Variants in SASH3 observed in about 807,000 individuals in gnomAD.
SASH3 encodes SAM and SH3 domain containing 3.
In SASH3, 7 loss-of-function variants were observed where a neutral mutation model predicts 26.1. That is an observed-to-expected ratio of 0.27 (90% CI 0.15 to 0.50). The LOEUF (loss-of-function observed/expected upper bound fraction) is 0.50. Ranked by LOEUF, SASH3 falls within the 20% of genes least tolerant of loss-of-function variation. The pLI is 0.98. For synonymous variants in SASH3, 138 were observed against 136.8 expected, an observed-to-expected ratio of 1.01 and a Z score of -0.06; for missense variants, 231 against 318.3, an observed-to-expected ratio of 0.73 and a Z score of 2.09.
chrX:129,783,602 C>T (rs1244728196), intron 1 of SASH3, among the ~76,000 whole-genome samples: 3 of 112,151 alleles, frequency 2.7e-5, no homozygotes, highest in Non-Finnish European at 5.6e-5. Context: ...CTTCGAGGTG[C>T]GAATATGATG....
intron 3 of SASH3, 67 bp downstream of exon 3, chrX:129,788,644 G>A: frequency 9.3e-7 from 1 of 1,077,003 alleles, no homozygotes; most frequent in Non-Finnish European, 1.3e-6. Context: ...CAGAATGTGA[G>A]CATGACCACC....
At chrX:129,789,648 A>G (rs759749603) in intron 3 of SASH3, among the ~76,000 whole-genome samples, 13 of 111,225 alleles carry the variant, frequency 1.2e-4, no homozygotes, top group African/African-American at 3.6e-4. Context: ...AAAAAAAAGA[A>G]AAAAAAAGAG....
intron 4 of SASH3, 96 bp downstream of exon 4, chrX:129,791,177 A>T: frequency 1.1e-6 from 1 of 912,930 alleles, no homozygotes; most frequent in Non-Finnish European, 1.5e-6. Context: ...GGGGTAAGAG[A>T]AATGAATGCT....
intron 3 of SASH3, 151 bp downstream of exon 3, chrX:129,788,728 T>G: frequency 1.7e-6 from 1 of 579,257 alleles, no homozygotes; most frequent in Non-Finnish European, 2.6e-6. Flanking sequence ...GGAAACTCAC[T>G]TGCAGCCACG....
intron 1 of SASH3, among the ~76,000 whole-genome samples, chrX:129,784,495 C>T (rs952769178): frequency 3.6e-5 from 4 of 111,291 alleles, no homozygotes; most frequent in African/African-American, 1.3e-4. Flanking sequence ...AAGGGACTGC[C>T]GTGTCAGACA....
chrX:129,792,590 C>T (rs1413707189), intron 5 of SASH3, 37 bp from the exon 6 acceptor site: 2 of 1,196,264 alleles, frequency 1.7e-6, no homozygotes, highest in East Asian at 5.9e-5. Context: ...CATATCCTCT[C>T]TCCCTTGCTC....
At chrX:129,787,473 T>A (rs993406964) in intron 1 of SASH3, among the ~76,000 whole-genome samples, 1 of 111,635 alleles carries the variant, frequency 9.0e-6, no homozygotes, top group Admixed American at 9.5e-5. Context: ...CACAAATTCA[T>A]CAGGCTGGAG....
chrX:129,793,649 T>C lies in SASH3; in HGVS notation c.960T>C (p.Ser320=). Residue 320 remains serine (S), a synonymous_variant, in exon 8 of 8, where the codon AGT becomes AGC. Coordinates refer to ENST00000356892, the MANE Select transcript of SASH3 (RefSeq NM_018990.4). The part of the protein sequence containing the change: ...AELLLDYDTG[S]EEAEEGAESS... ...CTCTCTCGTCCCTGGCAGCTGGCAG[T>C]GAGGAGGCTGAAGAGGGCGCCGAGA... The C allele has an allele frequency of 8.3e-7, 1 of 1,209,917 alleles. No homozygotes were observed.
At chrX:129,787,149 A>G (rs1927123129) in intron 1 of SASH3, among the ~76,000 whole-genome samples, 2 of 111,937 alleles carry the variant, frequency 1.8e-5, no homozygotes, top group South Asian at 3.7e-4. Context: ...TAAAAATACA[A>G]AAAATAATAA....
intron 1 of SASH3, among the ~76,000 whole-genome samples, chrX:129,786,245 C>T (rs1353921278): frequency 2.7e-5 from 3 of 111,538 alleles, no homozygotes. Context: ...AACTACCTTG[C>T]TGTGACTTTT....
chrX:129,789,121 G>GAAAGAAAGAAAGAAAGAA (rs1927170394), intron 3 of SASH3, among the ~76,000 whole-genome samples: 1 of 36,093 alleles, frequency 2.8e-5, no homozygotes, highest in African/African-American at 1.8e-4. Flanking sequence ...AAGAAAGAAA[G>GAAAGAAAGAAAGAAAGAA]AAAGAAAGAA....
At chrX:129,791,186 C>CA in intron 4 of SASH3, 105 bp downstream of exon 4, 1 of 843,201 alleles carries the variant, frequency 1.2e-6, no homozygotes, top group Non-Finnish European at 1.7e-6. Flanking sequence ...GAAATGAATG[C>CA]TTACTCTTTG....
At chrX:129,782,878 C>G (rs1657442543) in intron 1 of SASH3, among the ~76,000 whole-genome samples, 1 of 111,785 alleles carries the variant, frequency 8.9e-6, no homozygotes, top group African/African-American at 3.3e-5. Flanking sequence ...AGACAGACCT[C>G]TTAGCTGCCC....
intron 6 of SASH3, 57 bp downstream of exon 6, chrX:129,792,893 A>T: frequency 8.4e-6 from 10 of 1,184,381 alleles, no homozygotes; most frequent in Non-Finnish European, 1.1e-5. Flanking sequence ...TGCCCCAGGG[A>T]TGGGGACCAG....
Position 129,788,455 on chromosome X carries a change from C to T in SASH3, c.178C>T (p.Pro60Ser), listed in dbSNP as rs1327445207. 3 of 1,211,268 alleles carry T rather than the reference C, an allele frequency of 2.5e-6. No individual in the cohort carries two copies. Among genetic ancestry groups the T allele is most frequent in the Admixed American group, 4.3e-5 (2 of 46,022 alleles). The change falls in exon 3 of 8, where the codon CCC (proline) becomes TCC (serine). Residue 60 changes from proline to serine, a missense_variant. By Grantham distance (74) the Pro-to-Ser change is moderately conservative (BLOSUM62 -1). Transcript: ENST00000356892. ...GATTCCAGAAGATGACTCAGGTGTC[C>T]CCACCCCAGAAGATGCTGGGAAGAG... ...DNIPEDDSGV[P>S]TPEDAGKSGK...
chrX:129,788,659 T>C, intron 3 of SASH3, 82 bp downstream of exon 3: 3 of 989,591 alleles, frequency 3.0e-6, no homozygotes, highest in Middle Eastern at 3.3e-4. Flanking sequence ...ACCACCTCAA[T>C]AGCCACTACT....
rs1003087168 is a variant in SASH3 at position 129,783,804 on chromosome X, G to A, written c.57+3650G>A. On this transcript the variant is annotated intron_variant, in intron 1 of 7. Coordinates refer to ENST00000356892, the MANE Select transcript of SASH3 (RefSeq NM_018990.4). ...GGGGGTAGCTCAGGAGACCACTGGG[G>A]AAAGCCAAGTTTGCTCAGGAAGTAA... is the stretch of plus-strand genomic sequence containing the variant. Among the ~76,000 whole-genome samples the A allele has an allele frequency of 3.6e-5, 4 of 111,375 alleles. No individual in the cohort carries two copies. The East Asian group carries it at 8.4e-4, about 23-fold the overall frequency.
intron 3 of SASH3, among the ~76,000 whole-genome samples, chrX:129,789,110 AAAG>A (rs1171284975): frequency 0.037 from 740 of 19,808 alleles, 8 homozygotes; most frequent in African/African-American, 0.086. Context: ...TCAAAAAAAA[AAAG>A]AAAGAAAGAA....
chrX:129,783,464 G>C (rs1335419529), intron 1 of SASH3, among the ~76,000 whole-genome samples: 3 of 112,218 alleles, frequency 2.7e-5, no homozygotes, highest in African/African-American at 6.5e-5. Flanking sequence ...TGAGCTCTGA[G>C]GTAGCACGAG....
Sources: gnomAD v4.1 joint callset for allele counts (sites outside exome capture counted in the v4.1 genomes callset) on GRCh38, gnomAD v4.1.1 for gene constraint, MANE v1.5 for transcripts, NCBI Gene and HGNC (gene_info 2026-07-23, HGNC 2026-07-21) for gene names.